The following P3H2 variants were observed in gnomAD, a reference collection of about 807,000 sequenced individuals.
The protein encoded by P3H2 is prolyl 3-hydroxylase 2.
P3H2 carries 80 observed loss-of-function variants against 87.0 expected under a neutral mutation model. The observed-to-expected ratio is 0.92, with a 90% CI of 0.77 to 1.11. P3H2 has a LOEUF of 1.11. Among genes scored for constraint, P3H2 ranks in the 50% least tolerant of loss-of-function variants. The probability of loss-of-function intolerance (pLI) is 0.00; values close to 1 mark genes in which losing one functional copy is unlikely to be tolerated. For missense variants in P3H2, 1,001 were observed against 923.9 expected, an observed-to-expected ratio of 1.08 and a Z score of -1.08; for synonymous variants, 367 against 359.3, an observed-to-expected ratio of 1.02 and a Z score of -0.24.
At chr3:190,080,169 A>C (rs1481651525) in intron 1 of P3H2, among the ~76,000 whole-genome samples, 1 of 152,246 alleles carries the variant, frequency 6.6e-6, no homozygotes, top group East Asian at 1.9e-4. Context: ...GGAAGAGCAT[A>C]GACAAAAATC....
rs1722667458 is a variant in P3H2, at chr3:189,957,437, TTAATTGTG to T, written c.*467_*474del. The T allele has an allele frequency of 6.0e-6, 2 of 334,078 alleles. No homozygotes were observed. The highest frequency in any genetic ancestry group is 2.9e-5 in the African/African-American group (1 of 35,086). 20.7% of individuals were successfully genotyped at this position (334,078 alleles called of 1,614,324 possible). A position where few individuals can be genotyped will look rare whatever the true frequency, so the allele number is the denominator to read the frequency against. On this transcript the variant is annotated 3_prime_UTR_variant, in exon 15 of 15. Transcript: ENST00000319332. The stretch of plus-strand genomic sequence containing the variant: ...TCTAAGCTTTTGAATTTGCAGCAAC[TTAATTGTG>T]TGTGTGTGTGTGTGTGTGTGTGTGT...
intron 1 of P3H2, among the ~76,000 whole-genome samples, chr3:190,093,836 T>C (rs1727489555): frequency 6.6e-6 from 1 of 152,266 alleles, no homozygotes; most frequent in Non-Finnish European, 1.5e-5. Flanking sequence ...TTCACCACAT[T>C]AATCATTAAT....
Position 189,973,507 on chromosome 3 carries a change from C to CTTTTTTTTTTTTTT in P3H2, c.1548+401_1548+402insAAAAAAAAAAAAAA, listed in dbSNP as rs879286759. ...TCAAAACTTTTTTCTTTCTTTCTTT[C>CTTTTTTTTTTTTTT]TTTCTTTTTTTTTTTTTTTTTTTTT... On this transcript the variant is annotated intron_variant, in intron 10 of 14. Transcript: ENST00000319332. Among the ~76,000 whole-genome samples the CTTTTTTTTTTTTTT allele has an allele frequency of 3.9e-4, 31 of 78,966 alleles. 1 individual carries two copies. Among genetic ancestry groups the CTTTTTTTTTTTTTT allele is most frequent in the African/African-American group, 7.5e-4 (16 of 21,314 alleles). 51.8% of individuals were successfully genotyped at this position (78,966 alleles called of 152,430 possible). A position where few individuals can be genotyped will look rare whatever the true frequency, so the allele number is the denominator to read the frequency against.
In P3H2 at chr3:190,004,475, C is replaced by T. The variant is rs369700754; in HGVS notation, c.481-9033G>A. ...TCGGCTCACTGCAAGCTCCGCCTCC[C>T]GGGTTCACGCCATTCTCCTGCCTCA... On this transcript the variant is annotated intron_variant, in intron 1 of 14. Coordinates refer to ENST00000319332, the MANE Select transcript of P3H2 (RefSeq NM_018192.4). Among the ~76,000 whole-genome samples, 582 of 152,158 alleles carry T rather than the reference C, an allele frequency of 3.8e-3. 3 individuals are homozygous for T. Among genetic ancestry groups the T allele is most frequent in the African/African-American group, 0.012 (484 of 41,542 alleles).
chr3:189,986,650 C>T (rs1188947599), intron 6 of P3H2, 138 bp downstream of exon 6: 12 of 692,736 alleles, frequency 1.7e-5, no homozygotes, highest in Non-Finnish European at 3.2e-5. Context: ...ATATCTCCCA[C>T]CCCCAATTTT....
At chr3:189,970,191 A>AATAT (rs71175322) in intron 13 of P3H2, among the ~76,000 whole-genome samples, 1,270 of 53,912 alleles carry the variant, frequency 0.024, 89 homozygotes, top group African/African-American at 0.05. Context: ...TATATATGCA[A>AATAT]ATATATATAT....
intron 1 of P3H2, among the ~76,000 whole-genome samples, chr3:190,067,007 CTTTCTTT>C (rs922687582): frequency 6.9e-6 from 1 of 145,110 alleles, no homozygotes; most frequent in African/African-American, 2.7e-5. Flanking sequence ...TTTTAATTTT[CTTTCTTT>C]TTTTTTTTTT....
At chr3:190,087,005 G>A (rs1727234386) in intron 1 of P3H2, among the ~76,000 whole-genome samples, 1 of 152,156 alleles carries the variant, frequency 6.6e-6, no homozygotes, top group Non-Finnish European at 1.5e-5. Flanking sequence ...ACACATAAGA[G>A]CAGTAGTAAT....
chr3:190,073,933 G>A (rs1726786116), intron 1 of P3H2, among the ~76,000 whole-genome samples: 1 of 152,148 alleles, frequency 6.6e-6, no homozygotes, highest in Non-Finnish European at 1.5e-5. Context: ...TAACGCTTTA[G>A]GGGACAGTTC....
intron 8 of P3H2, among the ~76,000 whole-genome samples, chr3:189,980,490 G>C (rs1723496996): frequency 6.6e-6 from 1 of 152,036 alleles, no homozygotes. Context: ...TTGAACCCAG[G>C]AGGCGGACGT....
chr3:190,091,340 C>A (rs1309792319), intron 1 of P3H2, among the ~76,000 whole-genome samples: 1 of 152,198 alleles, frequency 6.6e-6, no homozygotes, highest in African/African-American at 2.4e-5. Context: ...CATATGGAAA[C>A]ACGAAGTGGA....
chr3:189,968,745 C>T (rs1723078085), intron 13 of P3H2, among the ~76,000 whole-genome samples: 1 of 152,212 alleles, frequency 6.6e-6, no homozygotes, highest in African/African-American at 2.4e-5. Flanking sequence ...TCCACATCCT[C>T]TCCAGCATCT....
chr3:190,026,813 T>C (rs1024746132), intron 1 of P3H2, among the ~76,000 whole-genome samples: 17 of 152,202 alleles, frequency 1.1e-4, no homozygotes, highest in African/African-American at 4.1e-4. Flanking sequence ...AAGTGCTTCA[T>C]AAACTGAAAA....
intron 8 of P3H2, among the ~76,000 whole-genome samples, chr3:189,975,093 C>T (rs936968120): frequency 2.6e-5 from 4 of 152,170 alleles, no homozygotes; most frequent in Non-Finnish European, 5.9e-5. Context: ...ATGACATGCA[C>T]ACCTCAGTTT....
At chr3:190,068,030 ATTTAAT>A (rs1315890149) in intron 1 of P3H2, among the ~76,000 whole-genome samples, 3 of 152,228 alleles carry the variant, frequency 2.0e-5, no homozygotes, top group South Asian at 2.1e-4. Flanking sequence ...CAACTTTTTA[ATTTAAT>A]TTTAAGTCAA....
At chr3:190,092,828 C>T (rs755862164) in intron 1 of P3H2, among the ~76,000 whole-genome samples, 1 of 152,178 alleles carries the variant, frequency 6.6e-6, no homozygotes, top group Non-Finnish European at 1.5e-5. Context: ...ATTCTACATC[C>T]GCTCCTGTAG....
At chr3:190,024,601 T>G (rs1725034808) in intron 1 of P3H2, among the ~76,000 whole-genome samples, 1 of 151,096 alleles carries the variant, frequency 6.6e-6, no homozygotes, top group Admixed American at 6.6e-5. Context: ...TCCAACAGTC[T>G]GAATTTACTT....
At chr3:190,039,658 C>T (rs1207263466) in intron 1 of P3H2, among the ~76,000 whole-genome samples, 1 of 152,190 alleles carries the variant, frequency 6.6e-6, no homozygotes, top group Non-Finnish European at 1.5e-5. Context: ...TACCAAGGAG[C>T]ATAAAAGAAA....
At chr3:189,976,535 AT>A (rs539911240) in intron 8 of P3H2, among the ~76,000 whole-genome samples, 45 of 152,232 alleles carry the variant, frequency 3.0e-4, no homozygotes, top group Non-Finnish European at 5.9e-4. Context: ...CCCTTGACAT[AT>A]GGGGATTATT....
Sources: gnomAD v4.1 joint callset for allele counts (sites outside exome capture counted in the v4.1 genomes callset) on GRCh38, gnomAD v4.1.1 for gene constraint, MANE v1.5 for transcripts, NCBI Gene and HGNC (gene_info 2026-07-23, HGNC 2026-07-21) for gene names.